The following ST3GAL4 variants were observed in gnomAD, a reference collection of about 807,000 sequenced individuals.
ST3GAL4 encodes the protein ST3 beta-galactoside alpha-2,3-sialyltransferase 4.
In ST3GAL4, 24 loss-of-function variants were observed where a neutral mutation model predicts 42.6. That is an observed-to-expected ratio of 0.56 (90% CI 0.41 to 0.79). ST3GAL4 has a LOEUF of 0.79. Ranked by LOEUF, ST3GAL4 falls within the 30% of genes least tolerant of loss-of-function variation. The pLI, the probability that ST3GAL4 is intolerant of heterozygous loss-of-function variation, is 0.00. For synonymous variants in ST3GAL4, 135 were observed against 163.2 expected, an observed-to-expected ratio of 0.83 and a Z score of 1.32; for missense variants, 311 against 430.8, an observed-to-expected ratio of 0.72 and a Z score of 2.46.
intron 1 of ST3GAL4, among the ~76,000 whole-genome samples, chr11:126,358,247 G>A (rs1952137141): frequency 6.6e-6 from 1 of 152,276 alleles, no homozygotes; most frequent in Non-Finnish European, 1.5e-5. Context: ...GGCCCCTGCT[G>A]GTGGTTTAGC....
Position 126,396,133 on chromosome 11 carries a change from C to T in ST3GAL4, c.-60-9963C>T, listed in dbSNP as rs1472156237. Among the ~76,000 whole-genome samples, 1 of 152,012 alleles carries T rather than the reference C, an allele frequency of 6.6e-6. No homozygotes were observed. Among genetic ancestry groups the T allele is most frequent in the Non-Finnish European group, 1.5e-5 (1 of 68,024 alleles). ...CTCCCCAGCCCGTAGCCTGCGCTCA[C>T]TGTACCTGGCAGTTGTATTAATGAC... On this transcript the variant is annotated intron_variant, in intron 1 of 10. Transcript: ENST00000444328. The surrounding 1 kb of genome is among the most constrained non-coding windows in gnomAD (Gnocchi z 5.8).
chr11:126,375,322 T>C (rs1031909004), intron 1 of ST3GAL4, among the ~76,000 whole-genome samples: 2 of 152,214 alleles, frequency 1.3e-5, no homozygotes, highest in African/African-American at 4.8e-5. Flanking sequence ...GAGGAGGGGC[T>C]TGACAGGCTC....
chr11:126,407,023 A>G lies in ST3GAL4; in HGVS notation c.182A>G (p.Asn61Ser), dbSNP rs1565424616. The change falls in exon 4 of 11, where the codon AAC becomes AGC. Residue 61 changes from asparagine (N) to serine (S), a missense_variant and splice_region_variant. Transcript: ENST00000444328. ...AESKASKLFG[N>S]YSRDQPIFLR... ...AGCAAGGCCTCTAAGCTCTTTGGCA[A>G]GTAAGTACTTAAGGATGAGGAGGGT... 3.7e-6 allele frequency: 6 copies of G among 1,613,790 alleles called. No homozygotes were observed. The highest frequency in any genetic ancestry group is 3.4e-6 in the Non-Finnish European group (4 of 1,179,716).
At chr11:126,382,674 C>T (rs1953053806) in intron 1 of ST3GAL4, among the ~76,000 whole-genome samples, 1 of 152,174 alleles carries the variant, frequency 6.6e-6, no homozygotes, top group Non-Finnish European at 1.5e-5. Context: ...GATTTAGTGT[C>T]TCTGCCCTGG....
intron 1 of ST3GAL4, among the ~76,000 whole-genome samples, chr11:126,388,330 C>CT (rs1222934794): frequency 2.8e-4 from 42 of 152,048 alleles, no homozygotes; most frequent in Admixed American, 1.8e-3. Context: ...TATTTTATTT[C>CT]TTTTTTCTTT....
In ST3GAL4 at chr11:126,385,911, C is replaced by T. The variant is rs533207951; in HGVS notation, c.-60-20185C>T. Among the ~76,000 whole-genome samples the T allele has an allele frequency of 3.3e-5, 5 of 152,250 alleles. No homozygotes were observed. In the East Asian group the frequency reaches 7.7e-4, roughly 24 times the overall value. ...CAATGCCCTCCAGTGACATTCATGA[C>T]ACCCAAACTTAGAATCTGAGCTTTT... On this transcript the variant is annotated intron_variant, in intron 1 of 10. Transcript: ENST00000444328.
At chr11:126,390,858 C>A (rs1953486027) in intron 1 of ST3GAL4, among the ~76,000 whole-genome samples, 1 of 109,056 alleles carries the variant, frequency 9.2e-6, no homozygotes, top group Admixed American at 9.5e-5. Context: ...CGCCTCCCCC[C>A]AGCCCTTGGC....
intron 1 of ST3GAL4, among the ~76,000 whole-genome samples, chr11:126,381,573 G>A (rs1183501717): frequency 1.3e-5 from 2 of 148,632 alleles, no homozygotes. Flanking sequence ...GGAGCAGGAG[G>A]GGGAAGTGCT....
chr11:126,384,978 C>A lies in ST3GAL4; in HGVS notation c.-60-21118C>A. 1.1e-6 allele frequency: 1 copy of A among 917,842 alleles called. No homozygotes were observed. Among genetic ancestry groups the A allele is most frequent in the Non-Finnish European group, 1.3e-6 (1 of 768,200 alleles). 56.9% of individuals were successfully genotyped at this position (917,842 alleles called of 1,614,324 possible). ...GAGGACCAGGTGTCGCTGGCACCTTCCACGTCCTGAGTGCTTGTTCTGTGC... is the reference window on the plus strand; with the variant it reads ...GAGGACCAGGTGTCGCTGGCACCTTACACGTCCTGAGTGCTTGTTCTGTGC... On this transcript the variant is annotated intron_variant, in intron 1 of 10. Transcript: ENST00000444328. The surrounding 1 kb of genome is among the most constrained non-coding windows in gnomAD (Gnocchi z 5.5).
chr11:126,367,883 C>A (rs184063571), intron 1 of ST3GAL4, among the ~76,000 whole-genome samples: 1 of 152,166 alleles, frequency 6.6e-6, no homozygotes. Flanking sequence ...TGTGGTGGCT[C>A]ACACCAGTAA....
chr11:126,369,257 G>GT (rs1026938233), intron 1 of ST3GAL4, among the ~76,000 whole-genome samples: 1 of 137,308 alleles, frequency 7.3e-6, no homozygotes. Context: ...TCTTTTTTTT[G>GT]GGGGGGGGAG....
In ST3GAL4 at chr11:126,397,779, G is replaced by GGA. The variant is rs1004793038; in HGVS notation, c.-60-8307_-60-8306dup. 7.9e-5 allele frequency among the ~76,000 whole-genome samples: 12 copies of GGA among 152,142 alleles called. No individual in the cohort carries two copies. The highest frequency in any genetic ancestry group is 1.2e-4 in the African/African-American group (5 of 41,430). On this transcript the variant is annotated intron_variant, in intron 1 of 10. Coordinates refer to ENST00000444328, the MANE Select transcript of ST3GAL4 (RefSeq NM_001254757.2). The surrounding 1 kb of genome is among the most constrained non-coding windows in gnomAD (Gnocchi z 5.0). ...ATGGTGGATGGAAGAAGGGCAAGGT[G>GGA]GAGAGAGAGAGCAGGAAGGGGCCTA...
chr11:126,385,821 A>C (rs6590200), intron 1 of ST3GAL4, among the ~76,000 whole-genome samples: 1 of 151,746 alleles, frequency 6.6e-6, no homozygotes. Flanking sequence ...AGGCCACCCT[A>C]GACAACATAG....
intron 1 of ST3GAL4, among the ~76,000 whole-genome samples, chr11:126,360,237 C>A (rs1365104449): frequency 6.6e-6 from 1 of 152,168 alleles, no homozygotes; most frequent in African/African-American, 2.4e-5. Context: ...GGGTTCTGAT[C>A]ATTTGGAGGG....
chr11:126,397,005 C>T lies in ST3GAL4; in HGVS notation c.-60-9091C>T, dbSNP rs1044099062. 3.9e-5 allele frequency among the ~76,000 whole-genome samples: 6 copies of T among 152,000 alleles called. No homozygotes were observed. Among genetic ancestry groups the T allele is most frequent in the Admixed American group, 3.3e-4 (5 of 15,266 alleles). On this transcript the variant is annotated intron_variant, in intron 1 of 10. Coordinates refer to ENST00000444328, the MANE Select transcript of ST3GAL4 (RefSeq NM_001254757.2). This position sits in a 1 kb window ranked among gnomAD's most constrained non-coding sequence, Gnocchi z 5.0. ...CTACTGGTGTCTAGTAGGTAGAGGCCAGAGATGGCTGCTAAACACCCCATA... is the reference window on the plus strand; with the variant it reads ...CTACTGGTGTCTAGTAGGTAGAGGCTAGAGATGGCTGCTAAACACCCCATA...
At chr11:126,405,969 T>C (rs1262591094) in intron 1 of ST3GAL4, 127 bp from the exon 2 acceptor site, 2 of 1,138,736 alleles carry the variant, frequency 1.8e-6, no homozygotes, top group Non-Finnish European at 2.5e-6. Context: ...CTCAGGATGA[T>C]TGCCCCAGGG....
intron 6 of ST3GAL4, 97 bp from the exon 7 acceptor site, chr11:126,408,002 C>A: frequency 7.4e-7 from 1 of 1,351,506 alleles, no homozygotes; most frequent in South Asian, 1.3e-5. Context: ...GCTGAGGGGG[C>A]CTAGGAAGTG....
chr11:126,412,893 A>G (rs1012643278), intron 9 of ST3GAL4, among the ~76,000 whole-genome samples: 1 of 152,224 alleles, frequency 6.6e-6, no homozygotes, highest in African/African-American at 2.4e-5. Context: ...GTGAGACTAG[A>G]TGAGATAATG....
At chr11:126,360,956 G>A (rs1388339539) in intron 1 of ST3GAL4, among the ~76,000 whole-genome samples, 1 of 152,206 alleles carries the variant, frequency 6.6e-6, no homozygotes, top group East Asian at 1.9e-4. Flanking sequence ...TCTGTGTGCT[G>A]CCACCTTGGG....
Sources: gnomAD v4.1 joint callset for allele counts (sites outside exome capture counted in the v4.1 genomes callset) on GRCh38, gnomAD v4.1.1 for gene constraint, Gnocchi (gnomAD v3.1) non-coding constraint, MANE v1.5 for transcripts, NCBI Gene and HGNC (gene_info 2026-07-23, HGNC 2026-07-21) for gene names.